The following ATP2B2 variants were observed in gnomAD, a reference collection of about 807,000 sequenced individuals.
The protein encoded by ATP2B2 is plasma membrane calcium-transporting ATPase 2.
ATP2B2 carries 15 observed loss-of-function variants against 120.0 expected under a neutral mutation model. The ratio of observed to expected loss-of-function variants is 0.12; its 90% CI spans 0.08 to 0.19. The LOEUF is 0.19. ATP2B2 is among the 10% of genes least tolerant of loss of function. The pLI is 1.00. For synonymous variants in ATP2B2, 694 were observed against 700.3 expected (o/e 0.99, Z 0.14); for missense variants, 1,045 against 1,719.8 (o/e 0.61, Z 6.94).
chr3:10,693,735 C>A (rs2071703309), intron 1 of ATP2B2, among the ~76,000 whole-genome samples: 1 of 152,216 alleles, frequency 6.6e-6, no homozygotes, highest in Non-Finnish European at 1.5e-5. Flanking sequence ...TCCACGAGGA[C>A]AGGAACTTGG....
At chr3:10,681,105 C>T (rs1461615552) in intron 1 of ATP2B2, among the ~76,000 whole-genome samples, 2 of 152,196 alleles carry the variant, frequency 1.3e-5, no homozygotes, top group African/African-American at 2.4e-5. Flanking sequence ...CTTCCTGAAG[C>T]CTCCCCAGAA....
intron 1 of ATP2B2, among the ~76,000 whole-genome samples, chr3:10,673,757 T>G (rs2071173883): frequency 7.7e-6 from 1 of 130,476 alleles, no homozygotes; most frequent in South Asian, 2.3e-4. Context: ...CAGTTAGCCG[T>G]GATGGCACCA....
intron 3 of ATP2B2, among the ~76,000 whole-genome samples, chr3:10,408,811 T>G (rs571337938): frequency 6.6e-6 from 1 of 152,214 alleles, no homozygotes; most frequent in Non-Finnish European, 1.5e-5. Flanking sequence ...GCTATCTGAG[T>G]TCTAATCTTG....
At chr3:10,642,901 C>T (rs1264245275) in intron 1 of ATP2B2, among the ~76,000 whole-genome samples, 2 of 152,162 alleles carry the variant, frequency 1.3e-5, no homozygotes, top group East Asian at 3.9e-4. Context: ...GGTGTGCTCG[C>T]CTGGTGCCCA....
chr3:10,703,953 C>A (rs2071858048), intron 1 of ATP2B2, among the ~76,000 whole-genome samples: 1 of 152,198 alleles, frequency 6.6e-6, no homozygotes, highest in South Asian at 2.1e-4. Flanking sequence ...TGTCCCAGAG[C>A]CTGCTGAAAC....
intron 22 of ATP2B2, among the ~76,000 whole-genome samples, chr3:10,332,556 T>C (rs185747550): frequency 4.6e-5 from 7 of 152,236 alleles, no homozygotes; most frequent in African/African-American, 1.7e-4. Context: ...GCCACGCTGG[T>C]AGAAGTTCAA....
chr3:10,603,532 A>C (rs189853223), intron 2 of ATP2B2, among the ~76,000 whole-genome samples: 2 of 152,336 alleles, frequency 1.3e-5, no homozygotes, highest in Non-Finnish European at 2.9e-5. Flanking sequence ...TCTGCTTAGC[A>C]AAGCCTTTGC....
chr3:10,417,786 G>A (rs988996725), intron 2 of ATP2B2, among the ~76,000 whole-genome samples: 3 of 152,172 alleles, frequency 2.0e-5, no homozygotes, highest in Non-Finnish European at 4.4e-5. Flanking sequence ...GAAGGAGTGA[G>A]GGTTGATCAG....
intron 5 of ATP2B2, among the ~76,000 whole-genome samples, chr3:10,399,652 G>C (rs986881040): frequency 1.3e-5 from 2 of 152,212 alleles, no homozygotes; most frequent in African/African-American, 2.4e-5. Context: ...TTGAATAAAT[G>C]CTGGATAAAT....
At chr3:10,519,159 C>A (rs2066933045) in intron 3 of ATP2B2, among the ~76,000 whole-genome samples, 3 of 152,208 alleles carry the variant, frequency 2.0e-5, no homozygotes, top group Admixed American at 6.5e-5. Context: ...AGGTCAAACA[C>A]CTAGCTGGGA....
At chr3:10,585,275 C>G (rs191175635) in intron 2 of ATP2B2, among the ~76,000 whole-genome samples, 1 of 152,064 alleles carries the variant, frequency 6.6e-6, no homozygotes, top group African/African-American at 2.4e-5. Context: ...GCTGGAGGAT[C>G]ACGAGGTCAG....
chr3:10,381,241 A>C (rs144320524), intron 8 of ATP2B2, among the ~76,000 whole-genome samples: 1,549 of 152,374 alleles, frequency 0.01, 31 homozygotes, highest in African/African-American at 0.036. Context: ...CTGTGTCTCT[A>C]CTGTAAAATT....
rs1035006544 is a variant in ATP2B2, at chr3:10,347,206, A to G, written c.2405-1069T>C. Among the ~76,000 whole-genome samples the G allele has an allele frequency of 3.3e-5, 5 of 152,058 alleles. No homozygotes were observed. In the South Asian group the frequency reaches 6.2e-4, roughly 19 times the overall value. Reference sequence around the variant, plus strand: ...TTCTCTCATCCCCTGGCCACCCCCAATCTGTGCTTACGGTCCCACAGAGCT... The same window carrying G: ...TTCTCTCATCCCCTGGCCACCCCCAGTCTGTGCTTACGGTCCCACAGAGCT... On this transcript the variant is annotated intron_variant, in intron 16 of 22. Transcript: ENST00000360273. The surrounding 1 kb of genome is among the most constrained non-coding windows in gnomAD (Gnocchi z 5.2).
At chr3:10,598,188 T>C (rs2068817548) in intron 2 of ATP2B2, among the ~76,000 whole-genome samples, 1 of 152,146 alleles carries the variant, frequency 6.6e-6, no homozygotes, top group African/African-American at 2.4e-5. Flanking sequence ...TGAGCATAAT[T>C]TGAGGTAAAT....
chr3:10,508,176 C>G (rs1380811847), upstream of ATP2B2, among the ~76,000 whole-genome samples: 1 of 152,190 alleles, frequency 6.6e-6, no homozygotes, highest in Non-Finnish European at 1.5e-5. Context: ...CTGCATCCAC[C>G]CCGCAGTGAC....
chr3:10,679,563 C>T (rs769534343), intron 1 of ATP2B2, among the ~76,000 whole-genome samples: 4 of 152,200 alleles, frequency 2.6e-5, no homozygotes, highest in Non-Finnish European at 5.9e-5. Flanking sequence ...GAGGGGCCAA[C>T]ACTGAAGTTA....
intron 19 of ATP2B2, among the ~76,000 whole-genome samples, chr3:10,341,359 G>A (rs1574953473): frequency 6.6e-6 from 1 of 152,254 alleles, no homozygotes; most frequent in East Asian, 1.9e-4. Flanking sequence ...TGCCCAGGCT[G>A]GAGGACAGTG....
At chr3:10,354,268 G>A (rs559937119) in intron 14 of ATP2B2, among the ~76,000 whole-genome samples, 2 of 152,250 alleles carry the variant, frequency 1.3e-5, no homozygotes, top group East Asian at 3.9e-4. Context: ...AACTGCTCTG[G>A]ACACTGAGGA....
chr3:10,340,539 C>T lies in ATP2B2; in HGVS notation c.3083G>A (p.Arg1028Gln), dbSNP rs778300525. 2.6e-5 allele frequency: 42 copies of T among 1,614,040 alleles called. No homozygotes were observed. Among genetic ancestry groups the T allele is most frequent in the Admixed American group, 5.0e-5 (3 of 60,002 alleles). ...CACGATGGTGCAGAAGATGGGGTTC[C>T]GGAAGATGCCGTCAAAGACATTGCG... ...GERNVFDGIF[R>Q]NPIFCTIVLG... is the part of the protein sequence containing the mutation. Residue 1028 changes from arginine to glutamine, a missense_variant, in exon 20 of 23, where the codon CGG becomes CAG. Arg to Gln is a conservative substitution (Grantham distance 43, BLOSUM62 1). Transcript: ENST00000360273. The surrounding 1 kb of genome is among the most constrained non-coding windows in gnomAD (Gnocchi z 5.0).
Sources: gnomAD v4.1 joint callset for allele counts (sites outside exome capture counted in the v4.1 genomes callset) on GRCh38, gnomAD v4.1.1 for gene constraint, Gnocchi (gnomAD v3.1) non-coding constraint, MANE v1.5 for transcripts, NCBI Gene and HGNC (gene_info 2026-07-23, HGNC 2026-07-21) for gene names.